CLSTN2: variants seen among roughly 807,000 people sequenced by gnomAD.
The protein encoded by CLSTN2 is calsyntenin 2, also known as calsyntenin-2.
A neutral mutation model predicts 101.2 loss-of-function variants in CLSTN2; 48 were observed. The ratio of observed to expected loss-of-function variants is 0.47; its 90% confidence interval spans 0.38 to 0.60. The LOEUF is 0.60. CLSTN2 is among the 20% of genes least tolerant of loss of function. CLSTN2 has a pLI of 0.00. For missense variants in CLSTN2, 1,160 were observed against 1,238.2 expected (o/e 0.94, Z 0.95); for synonymous variants, 481 against 463.6 (o/e 1.04, Z -0.48).
At chr3:140,192,045 AT>A (rs1451848346) in intron 2 of CLSTN2, among the ~76,000 whole-genome samples, 3 of 151,906 alleles carry the variant, frequency 2.0e-5, no homozygotes, top group Non-Finnish European at 4.4e-5. Flanking sequence ...ATTCAGTTAT[AT>A]GTACTAGCTT....
intron 8 of CLSTN2, among the ~76,000 whole-genome samples, chr3:140,467,128 G>T (rs16850353): frequency 0.048 from 7,240 of 152,242 alleles, 364 homozygotes; most frequent in East Asian, 0.17. Flanking sequence ...GTGACACAAG[G>T]TTGAGGACAG....
chr3:140,553,315 G>T (rs930503255), intron 10 of CLSTN2, among the ~76,000 whole-genome samples: 1 of 152,192 alleles, frequency 6.6e-6, no homozygotes, highest in African/African-American at 2.4e-5. Flanking sequence ...TCTTGTAAGT[G>T]CTAGAAACTT....
chr3:140,564,511 AACAG>A (rs1447745636), intron 16 of CLSTN2, among the ~76,000 whole-genome samples: 4 of 152,142 alleles, frequency 2.6e-5, no homozygotes, highest in Non-Finnish European at 4.4e-5. Context: ...TTGAGTAACT[AACAG>A]TGCAAATTAG....
At chr3:140,279,426 A>C (rs2107895435) in intron 2 of CLSTN2, among the ~76,000 whole-genome samples, 1 of 152,294 alleles carries the variant, frequency 6.6e-6, no homozygotes, top group South Asian at 2.1e-4. Context: ...AGACAGCCTG[A>C]GGTATGCTGC....
intron 2 of CLSTN2, among the ~76,000 whole-genome samples, chr3:140,306,795 A>G (rs1416367018): frequency 6.6e-6 from 1 of 151,952 alleles, no homozygotes; most frequent in African/African-American, 2.4e-5. Flanking sequence ...TACCAAAGGC[A>G]GTTTGTTTCA....
chr3:140,283,546 C>T (rs897544853), intron 2 of CLSTN2, among the ~76,000 whole-genome samples: 7 of 152,112 alleles, frequency 4.6e-5, no homozygotes, highest in Non-Finnish European at 7.4e-5. Flanking sequence ...GGGATGGGCA[C>T]GAGGTCACCC....
At chr3:140,470,127 T>A (rs762470293) in intron 8 of CLSTN2, among the ~76,000 whole-genome samples, 11 of 152,266 alleles carry the variant, frequency 7.2e-5, no homozygotes, top group Non-Finnish European at 1.6e-4. Context: ...CAGCATTTTA[T>A]CTGTTCTAAT....
intron 2 of CLSTN2, among the ~76,000 whole-genome samples, chr3:140,263,205 G>C (rs1440474837): frequency 2.6e-5 from 4 of 152,208 alleles, no homozygotes; most frequent in Non-Finnish European, 5.9e-5. Context: ...GTCAAGTACT[G>C]ACAAAACCTC....
At chr3:140,460,394 G>A (rs1933530459) in intron 7 of CLSTN2, 1 of 156,392 alleles carries the variant, frequency 6.4e-6, no homozygotes, top group African/African-American at 2.4e-5. Context: ...CTGTGAATGG[G>A]ACGTTATAGT....
chr3:140,549,372 A>G (rs1935664537), intron 10 of CLSTN2, among the ~76,000 whole-genome samples: 1 of 151,646 alleles, frequency 6.6e-6, no homozygotes, highest in South Asian at 2.1e-4. Flanking sequence ...GGGACTGAGG[A>G]GGCTAATCTG....
Position 140,546,694 on chromosome 3 carries a change from C to G in CLSTN2, c.1674+13C>G, listed in dbSNP as rs755265267. On this transcript the variant is annotated intron_variant, in intron 10 of 16. Transcript: ENST00000458420. ...CCAAGGAATAAAGGTAAGGCAGGAG[C>G]TGGCATCACTCCCAATAAGACAGGG... The G allele has an allele frequency of 6.2e-7, 1 of 1,602,412 alleles. No homozygotes were observed. The highest frequency in any genetic ancestry group is 1.7e-5 in the Admixed American group (1 of 59,014).
chr3:140,311,885 G>A (rs1355486102), intron 2 of CLSTN2, among the ~76,000 whole-genome samples: 1 of 152,130 alleles, frequency 6.6e-6, no homozygotes, highest in Non-Finnish European at 1.5e-5. Context: ...ATCACCCAGG[G>A]AATGAGAAGG....
At chr3:139,940,358 G>A (rs1935103886) in intron 1 of CLSTN2, among the ~76,000 whole-genome samples, 1 of 152,176 alleles carries the variant, frequency 6.6e-6, no homozygotes, top group Non-Finnish European at 1.5e-5. Flanking sequence ...TCTTGGACAA[G>A]TTAGTTAACC....
chr3:140,230,952 C>T (rs62266222), intron 2 of CLSTN2, among the ~76,000 whole-genome samples: 57,526 of 152,064 alleles, frequency 0.38, 13,140 homozygotes, highest in Non-Finnish European at 0.53. Flanking sequence ...TCACTGGCAG[C>T]GTGAGGTCAG....
intron 1 of CLSTN2, among the ~76,000 whole-genome samples, chr3:140,086,446 T>C (rs565331393): frequency 1.3e-5 from 2 of 152,348 alleles, no homozygotes; most frequent in African/African-American, 2.4e-5. Context: ...ATATTGATAG[T>C]ACTTACCTGT....
At chr3:140,440,662 C>T (rs2088753463) in intron 5 of CLSTN2, among the ~76,000 whole-genome samples, 2 of 152,162 alleles carry the variant, frequency 1.3e-5, no homozygotes, top group Admixed American at 6.5e-5. Flanking sequence ...AAAAAAATGG[C>T]TTGCTCACAG....
chr3:140,352,337 C>G (rs1025055800), intron 2 of CLSTN2, among the ~76,000 whole-genome samples: 4 of 152,190 alleles, frequency 2.6e-5, no homozygotes, highest in African/African-American at 9.7e-5. Context: ...GTCCCTATTG[C>G]TCAGTTTCTT....
intron 1 of CLSTN2, among the ~76,000 whole-genome samples, chr3:139,983,700 A>G (rs932077510): frequency 6.6e-6 from 1 of 152,168 alleles, no homozygotes; most frequent in Non-Finnish European, 1.5e-5. Flanking sequence ...ATTATAGTTA[A>G]TTAAACTATG....
intron 4 of CLSTN2, among the ~76,000 whole-genome samples, chr3:140,408,484 A>G (rs1464334485): frequency 6.6e-6 from 1 of 152,176 alleles, no homozygotes; most frequent in African/African-American, 2.4e-5. Flanking sequence ...CCTCACAGCA[A>G]CCACAAACCC....
Sources: allele counts gnomAD v4.1 joint callset (sites outside exome capture counted in the v4.1 genomes callset), GRCh38; gene constraint gnomAD v4.1.1; transcripts MANE v1.5; gene names NCBI Gene and HGNC (gene_info 2026-07-23, HGNC 2026-07-21).